Variants in SLC6A3 observed in about 807,000 individuals in gnomAD.
The protein encoded by SLC6A3 is solute carrier family 6 member 3.
Under a neutral mutation model 70.4 loss-of-function variants are expected in SLC6A3, and 19 were observed. That is an observed-to-expected ratio of 0.27 (90% CI 0.19 to 0.40). The LOEUF (loss-of-function observed/expected upper bound fraction) is 0.40, where lower values mean the gene tolerates loss of function less well. Among genes scored for constraint, SLC6A3 ranks in the 10% least tolerant of loss-of-function variants. The probability of loss-of-function intolerance (pLI) is 1.00; values close to 1 mark genes in which losing one functional copy is unlikely to be tolerated. For synonymous variants in SLC6A3, 368 were observed against 356.6 expected, an observed-to-expected ratio of 1.03 and a Z score of -0.36; for missense variants, 613 against 838.5, an observed-to-expected ratio of 0.73 and a Z score of 3.32.
chr5:1,442,178 C>A lies in SLC6A3; in HGVS notation c.287-688G>T, dbSNP rs1296551523. Among the ~76,000 whole-genome samples the A allele has an allele frequency of 2.0e-5, 3 of 152,138 alleles. No individual in the cohort carries two copies. The East Asian group carries it at 5.8e-4, about 29-fold the overall frequency. ...GAAGGGGAGGGGGAGGCATGGGGCC[C>A]CTCAGCTCTGTCTTTGGGCAACTTC... On this transcript the variant is annotated intron_variant, in intron 2 of 14. Coordinates refer to ENST00000270349, the MANE Select transcript of SLC6A3 (RefSeq NM_001044.5). This position sits in a 1 kb window ranked among gnomAD's most constrained non-coding sequence, Gnocchi z 5.0.
chr5:1,409,425 G>A (rs761458068), intron 10 of SLC6A3, among the ~76,000 whole-genome samples: 3 of 152,146 alleles, frequency 2.0e-5, no homozygotes, highest in Non-Finnish European at 4.4e-5. Context: ...CTCCCACATA[G>A]ATAGGCTCTG....
chr5:1,411,479 C>T lies in SLC6A3; in HGVS notation c.1157-124G>A. 1 of 761,150 alleles carries T rather than the reference C, an allele frequency of 1.3e-6. No homozygotes were observed. Among genetic ancestry groups the T allele is most frequent in the Non-Finnish European group, 2.3e-6 (1 of 436,452 alleles). 47.1% of individuals were successfully genotyped at this position (761,150 alleles called of 1,614,324 possible). On this transcript the variant is annotated intron_variant, in intron 8 of 14. Transcript: ENST00000270349. This position sits in a 1 kb window ranked among gnomAD's most constrained non-coding sequence, Gnocchi z 6.5. The stretch of plus-strand genomic sequence containing the variant: ...TGTAGAGACTAGGGCTGGTGCGGCT[C>T]TGCTGAAAAGCCCCCTTCTATATGT...
rs1755842919 is a variant in SLC6A3, at chr5:1,401,202, A to G, written c.1768-216T>C. 1.4e-6 allele frequency: 1 copy of G among 698,724 alleles called. No homozygotes were observed. Among genetic ancestry groups the G allele is most frequent in the African/African-American group, 1.7e-5 (1 of 57,206 alleles). 43.3% of individuals were successfully genotyped at this position (698,724 alleles called of 1,614,324 possible). The stretch of plus-strand genomic sequence containing the variant: ...CGACCAGACAGCCAGTCAGGCCCGA[A>G]GCCAACATCCTGACGGTCCCCTTAA... On this transcript the variant is annotated intron_variant, in intron 13 of 14. Transcript: ENST00000270349. The surrounding 1 kb of genome is among the most constrained non-coding windows in gnomAD (Gnocchi z 6.1).
At position 1,404,730 on chromosome 5, in the gene SLC6A3, T is replaced by C. The variant is rs1232007344; in HGVS notation, c.1599+1458A>G. 2.6e-5 allele frequency among the ~76,000 whole-genome samples: 4 copies of C among 152,272 alleles called. No individual in the cohort carries two copies. In the East Asian group the frequency reaches 5.8e-4, roughly 22 times the overall value. The stretch of plus-strand genomic sequence containing the variant: ...GAACTTCATAGGAATTGTGCTGTCA[T>C]ATTAAATACAAAATGACATAGAGCA... On this transcript the variant is annotated intron_variant, in intron 12 of 14. Coordinates refer to ENST00000270349, the MANE Select transcript of SLC6A3 (RefSeq NM_001044.5). This position sits in a 1 kb window ranked among gnomAD's most constrained non-coding sequence, Gnocchi z 5.2.
chr5:1,421,510 T>A lies in SLC6A3; in HGVS notation c.792+366A>T, dbSNP rs1250790311. Among the ~76,000 whole-genome samples, 1 of 152,078 alleles carries A rather than the reference T, an allele frequency of 6.6e-6. No individual in the cohort carries two copies. The highest frequency in any genetic ancestry group is 6.5e-5 in the Admixed American group (1 of 15,280). ...AGAAACACTGCTGTGAGTGCTTCCC[T>A]CCTGAGGCCCTTCCCCAAACACAGC... On this transcript the variant is annotated intron_variant, in intron 5 of 14. Transcript: ENST00000270349. This position sits in a 1 kb window ranked among gnomAD's most constrained non-coding sequence, Gnocchi z 7.2.
chr5:1,434,956 G>A (rs940177916), intron 3 of SLC6A3, among the ~76,000 whole-genome samples: 2 of 152,250 alleles, frequency 1.3e-5, no homozygotes, highest in Non-Finnish European at 2.9e-5. Flanking sequence ...TAGTGGTGAC[G>A]ATGAAAGCCA....
At position 1,406,336 on chromosome 5, in the gene SLC6A3, C is replaced by T. The variant is rs1579703268; in HGVS notation, c.1499-48G>A. The T allele has an allele frequency of 1.3e-6, 2 of 1,498,600 alleles. No homozygotes were observed. Among genetic ancestry groups the T allele is most frequent in the Non-Finnish European group, 1.9e-6 (2 of 1,075,684 alleles). The allele number at this position is 1,498,600 out of a possible 1,614,324, so 92.8% of individuals were successfully genotyped here. A position where few individuals can be genotyped will look rare whatever the true frequency, so the allele number is the denominator to read the frequency against. ...AGTGTCCATCAGGGCAGCGCATTCC[C>T]CCGATGCTGGACACGTGTGGGGGTC... On this transcript the variant is annotated intron_variant, in intron 11 of 14. Coordinates refer to ENST00000270349, the MANE Select transcript of SLC6A3 (RefSeq NM_001044.5). The surrounding 1 kb of genome is among the most constrained non-coding windows in gnomAD (Gnocchi z 8.8).
At chr5:1,429,403 G>C (rs754546910) in intron 4 of SLC6A3, among the ~76,000 whole-genome samples, 1 of 152,204 alleles carries the variant, frequency 6.6e-6, no homozygotes, top group African/African-American at 2.4e-5. Flanking sequence ...GTGCCAGTGC[G>C]GACAGGGCTT....
intron 4 of SLC6A3, among the ~76,000 whole-genome samples, chr5:1,430,675 G>A (rs1756678447): frequency 6.6e-6 from 1 of 152,162 alleles, no homozygotes; most frequent in African/African-American, 2.4e-5. Flanking sequence ...TGTTGATACG[G>A]TTTTCAGATA....
intron 8 of SLC6A3, among the ~76,000 whole-genome samples, chr5:1,412,582 C>A (rs766050413): frequency 6.6e-6 from 1 of 152,154 alleles, no homozygotes; most frequent in Non-Finnish European, 1.5e-5. Flanking sequence ...CAAAAGTCAA[C>A]GCAGTTTGGT....
intron 4 of SLC6A3, among the ~76,000 whole-genome samples, chr5:1,426,182 G>C (rs1050469874): frequency 2.0e-5 from 3 of 152,046 alleles, no homozygotes; most frequent in African/African-American, 7.3e-5. Flanking sequence ...CAATATTGAG[G>C]TTCATAGCAG....
At chr5:1,432,044 C>T (rs1164014283) in intron 4 of SLC6A3, among the ~76,000 whole-genome samples, 1 of 152,084 alleles carries the variant, frequency 6.6e-6, no homozygotes, top group Non-Finnish European at 1.5e-5. Flanking sequence ...GCAGTTCGGC[C>T]CCATGCTATG....
chr5:1,404,683 C>T lies in SLC6A3; in HGVS notation c.1599+1505G>A, dbSNP rs1382385933. Among the ~76,000 whole-genome samples the T allele has an allele frequency of 2.6e-5, 4 of 152,190 alleles. No individual in the cohort carries two copies. The highest frequency in any genetic ancestry group is 6.5e-5 in the Admixed American group (1 of 15,278). On this transcript the variant is annotated intron_variant, in intron 12 of 14. Coordinates refer to ENST00000270349, the MANE Select transcript of SLC6A3 (RefSeq NM_001044.5). This position sits in a 1 kb window ranked among gnomAD's most constrained non-coding sequence, Gnocchi z 5.2. Reference sequence around the variant, plus strand: ...CTGAAGAAACAGATGATAACACAGACGTTATGTTTCTGCTGAAATCAGAAC... The same window carrying T: ...CTGAAGAAACAGATGATAACACAGATGTTATGTTTCTGCTGAAATCAGAAC...
chr5:1,410,420 G>C (rs1048706754), intron 9 of SLC6A3, among the ~76,000 whole-genome samples: 1 of 152,152 alleles, frequency 6.6e-6, no homozygotes, highest in Non-Finnish European at 1.5e-5. Context: ...GGACGAGGTG[G>C]ATAGGATATG....
Position 1,394,374 on chromosome 5 carries a change from G to A in SLC6A3, c.*361C>T, listed in dbSNP as rs1755659926. On this transcript the variant is annotated 3_prime_UTR_variant, in exon 15 of 15. Transcript: ENST00000270349. This position sits in a 1 kb window ranked among gnomAD's most constrained non-coding sequence, Gnocchi z 4.7. ...TCTACAAGGATCGTGATCCCCGCCT[G>A]AGAACACAGTGCCCCTGGGGCAGCC... is the stretch of plus-strand genomic sequence containing the variant. 2.2e-6 allele frequency: 1 copy of A among 454,104 alleles called. No homozygotes were observed. Among genetic ancestry groups the A allele is most frequent in the Admixed American group, 3.5e-5 (1 of 28,580 alleles). 28.1% of individuals were successfully genotyped at this position (454,104 alleles called of 1,614,324 possible).
chr5:1,416,559 G>A (rs956790775), intron 6 of SLC6A3: 25 of 319,394 alleles, frequency 7.8e-5, no homozygotes, highest in East Asian at 5.6e-4. Context: ...AATAACCCTC[G>A]GAACAGCACG....
At chr5:1,440,153 G>A (rs777327487) in intron 3 of SLC6A3, among the ~76,000 whole-genome samples, 2 of 152,174 alleles carry the variant, frequency 1.3e-5, no homozygotes, top group African/African-American at 2.4e-5. Context: ...GTCGATAGGT[G>A]GATGGATGGA....
Position 1,411,907 on chromosome 5 carries a change from TAC to T in SLC6A3, c.1157-554_1157-553del, listed in dbSNP as rs1236512990. Among the ~76,000 whole-genome samples the T allele has an allele frequency of 6.6e-6, 1 of 151,478 alleles. No individual in the cohort carries two copies. On this transcript the variant is annotated intron_variant, in intron 8 of 14. Transcript: ENST00000270349. The surrounding 1 kb of genome is among the most constrained non-coding windows in gnomAD (Gnocchi z 6.5). Reference sequence around the variant, plus strand: ...ACTCAGACACACATACCATGCAATATACACACACAGACACATGCGCGCACATG... The same window carrying T: ...ACTCAGACACACATACCATGCAATATACACACAGACACATGCGCGCACATG...
At chr5:1,398,971 A>G (rs1261533723) in intron 14 of SLC6A3, among the ~76,000 whole-genome samples, 2 of 152,230 alleles carry the variant, frequency 1.3e-5, no homozygotes, top group Admixed American at 1.3e-4. Flanking sequence ...CAATGTGGGT[A>G]ACATAATATA....
Sources: gnomAD v4.1 joint callset for allele counts (sites outside exome capture counted in the v4.1 genomes callset) on GRCh38, gnomAD v4.1.1 for gene constraint, Gnocchi (gnomAD v3.1) non-coding constraint, MANE v1.5 for transcripts, NCBI Gene and HGNC (gene_info 2026-07-23, HGNC 2026-07-21) for gene names.